Variants in ABCA8 observed in about 807,000 individuals in gnomAD.
The protein encoded by ABCA8 is ATP binding cassette subfamily A member 8, also known as ABC-type organic anion transporter ABCA8.
In ABCA8, 177 loss-of-function variants were observed where a neutral mutation model predicts 192.3. The ratio of observed to expected loss-of-function variants is 0.92; its 90% CI spans 0.81 to 1.04. The LOEUF (loss-of-function observed/expected upper bound fraction) is 1.04, where lower values mean the gene tolerates loss of function less well. ABCA8 is among the 50% of genes least tolerant of loss of function. The probability of loss-of-function intolerance (pLI) is 0.00; values close to 1 mark genes in which losing one functional copy is unlikely to be tolerated. For missense variants in ABCA8, 1,915 were observed against 1,904.8 expected (o/e 1.01, Z -0.10); for synonymous variants, 642 against 690.2 (o/e 0.93, Z 1.09).
At position 68,877,046 on chromosome 17, in the gene ABCA8, G is replaced by A. The variant is rs146728222; in HGVS notation, c.4200-343C>T. On this transcript the variant is annotated intron_variant, in intron 33 of 39. Transcript: ENST00000586539. ...TGAGACAAGGTCTGACTCTATCCCC[G>A]AGGCTGGAGTGCAGTGGTGTAATCT... Among the ~76,000 whole-genome samples the A allele has an allele frequency of 7.5e-4, 114 of 151,636 alleles. 1 individual carries two copies. The East Asian group carries it at 0.01, about 14-fold the overall frequency.
chr17:68,948,304 T>G (rs1042949593), intron 2 of ABCA8, among the ~76,000 whole-genome samples: 1 of 152,216 alleles, frequency 6.6e-6, no homozygotes, highest in Admixed American at 6.5e-5. Flanking sequence ...TGATCCTAGA[T>G]CCTGAGGAAT....
intron 24 of ABCA8, among the ~76,000 whole-genome samples, chr17:68,889,488 G>C (rs2066573786): frequency 6.6e-6 from 1 of 152,122 alleles, no homozygotes; most frequent in Non-Finnish European, 1.5e-5. Flanking sequence ...ATCTTTTCAA[G>C]TTCTCGCATT....
intron 24 of ABCA8, among the ~76,000 whole-genome samples, chr17:68,888,021 G>T (rs2066534478): frequency 7.6e-6 from 1 of 131,666 alleles, no homozygotes; most frequent in South Asian, 2.4e-4. Flanking sequence ...TATATATATG[G>T]AGTGTGTATA....
In ABCA8 at chr17:68,889,074, A is replaced by G. The variant is rs148993179; in HGVS notation, c.3145-1568T>C. ...TTTGGATTATGTTAACACCAGAAAG[A>G]CTTATAGTTACATCAAACTAGTAAA... On this transcript the variant is annotated intron_variant, in intron 24 of 39. Coordinates refer to ENST00000586539, the MANE Select transcript of ABCA8 (RefSeq NM_001288985.2). 9.5e-4 allele frequency among the ~76,000 whole-genome samples: 144 copies of G among 152,342 alleles called. 2 individuals are homozygous for G. In the East Asian group the frequency reaches 0.019, roughly 20 times the overall value.
chr17:68,940,819 T>C lies in ABCA8; in HGVS notation c.240A>G (p.Thr80=). 6.2e-7 allele frequency: 1 copy of C among 1,613,588 alleles called. No individual in the cohort carries two copies. The highest frequency in any genetic ancestry group is 8.5e-7 in the Non-Finnish European group (1 of 1,179,624). The change falls in exon 4 of 40, where the codon ACA becomes ACG. Residue 80 remains threonine (T), a synonymous_variant. Transcript: ENST00000586539. ...FNESRFSVVY[T]PVTNTTQQIM... ...TCTGTTGGGTCGTGTTGGTGACAGG[T>C]GTGTATACAACAGAAAATCTGGATT...
intron 2 of ABCA8, among the ~76,000 whole-genome samples, chr17:68,944,316 T>TTATATATATATATA (rs1177610587): frequency 1.7e-4 from 5 of 29,278 alleles, no homozygotes; most frequent in Admixed American, 4.4e-4. Context: ...GAACTTAAAG[T>TTATATATATATATA]TATATATATA....
chr17:68,868,393 C>T, intron 38 of ABCA8, 37 bp from the exon 39 acceptor site: 1 of 1,557,590 alleles, frequency 6.4e-7, no homozygotes, highest in Non-Finnish European at 8.8e-7. Flanking sequence ...TCATATATTT[C>T]ATATCTAGAG....
At chr17:68,882,349 AATG>A (rs1431533485) in intron 30 of ABCA8, among the ~76,000 whole-genome samples, 3 of 152,248 alleles carry the variant, frequency 2.0e-5, no homozygotes, top group African/African-American at 7.2e-5. Flanking sequence ...TCCAACAAGC[AATG>A]ATGTCTGCTG....
chr17:68,870,716 T>A (rs2066026188), intron 37 of ABCA8, among the ~76,000 whole-genome samples: 1 of 152,212 alleles, frequency 6.6e-6, no homozygotes, highest in Admixed American at 6.5e-5. Context: ...TACATGTACC[T>A]AACACATTTA....
Position 68,885,316 on chromosome 17 carries a change from C to G in ABCA8, c.3430-1G>C, listed in dbSNP as rs752905011. ...ATCCAGCCACAGAGAATACAGTGACCTAAAAGAAGCAAATATGAAGGTTAA... is the reference window on the plus strand; with the variant it reads ...ATCCAGCCACAGAGAATACAGTGACGTAAAAGAAGCAAATATGAAGGTTAA... On this transcript the variant is annotated splice_acceptor_variant, in intron 26 of 39. Transcript: ENST00000586539. LOFTEE classifies it high-confidence loss of function. The G allele has an allele frequency of 3.1e-6, 5 of 1,604,930 alleles. No individual in the cohort carries two copies. Among genetic ancestry groups the G allele is most frequent in the Non-Finnish European group, 4.2e-6 (5 of 1,176,812 alleles).
intron 2 of ABCA8, among the ~76,000 whole-genome samples, chr17:68,944,359 T>TATATATATACATAC (rs765731645): frequency 2.0e-4 from 14 of 69,466 alleles, no homozygotes; most frequent in African/African-American, 7.6e-4. Context: ...TATATATATA[T>TATATATATACATAC]ACACATATAC....
chr17:68,931,946 C>G (rs188966030), intron 7 of ABCA8: 1 of 190,266 alleles, frequency 5.3e-6, no homozygotes, highest in Non-Finnish European at 1.1e-5. Context: ...CGTGGTGGCT[C>G]GCGCCTGTAA....
At chr17:68,897,233 A>G (rs545375936) in intron 21 of ABCA8, among the ~76,000 whole-genome samples, 6 of 152,188 alleles carry the variant, frequency 3.9e-5, no homozygotes, top group Non-Finnish European at 7.3e-5. Flanking sequence ...TCAGGAAAAG[A>G]GACAAAGAAA....
chr17:68,907,915 C>G (rs1567850421), intron 17 of ABCA8, 36 bp from the exon 18 acceptor site: 1 of 1,528,252 alleles, frequency 6.5e-7, no homozygotes, highest in South Asian at 1.3e-5. Flanking sequence ...ACATATGTTA[C>G]TCGACATAGT....
At chr17:68,909,198 T>C (rs2067172764) in intron 17 of ABCA8, among the ~76,000 whole-genome samples, 1 of 152,176 alleles carries the variant, frequency 6.6e-6, no homozygotes, top group Non-Finnish European at 1.5e-5. Flanking sequence ...CTTGAGGAAC[T>C]TGAAGCTTGA....
chr17:68,938,844 A>C (rs1180794312), intron 4 of ABCA8, among the ~76,000 whole-genome samples: 1 of 152,176 alleles, frequency 6.6e-6, no homozygotes, highest in East Asian at 1.9e-4. Context: ...ATCTTCTTTT[A>C]GTATTAGCGT....
chr17:68,939,414 A>G (rs2068163350), intron 4 of ABCA8, among the ~76,000 whole-genome samples: 1 of 152,066 alleles, frequency 6.6e-6, no homozygotes. Context: ...CAATGAAAAT[A>G]CCGCATATCC....
chr17:68,946,626 T>C (rs2068416834), intron 2 of ABCA8, among the ~76,000 whole-genome samples: 1 of 152,124 alleles, frequency 6.6e-6, no homozygotes, highest in Non-Finnish European at 1.5e-5. Flanking sequence ...ACTGATATAT[T>C]AGTTTAATGA....
At position 68,929,212 on chromosome 17, in the gene ABCA8, CT is replaced by C. The variant is rs1333300570; in HGVS notation, c.961del (p.Ser321AlafsTer4). On this transcript the variant is annotated frameshift_variant, in exon 9 of 40. Transcript: ENST00000586539. LOFTEE classifies it high-confidence loss of function. ...GAGGAAAGATTTCTTTACCAAGATG[CT>C]CATTAAGAAAGCCAAAGCTACCTAA... ...LSLVALAFLM[S>X]ILVKKSFLTG... 2 of 1,599,768 alleles carry C rather than the reference CT, an allele frequency of 1.3e-6. No individual in the cohort carries two copies. Among genetic ancestry groups the C allele is most frequent in the South Asian group, 2.3e-5 (2 of 87,132 alleles).
Sources: allele counts gnomAD v4.1 joint callset (sites outside exome capture counted in the v4.1 genomes callset), GRCh38; gene constraint gnomAD v4.1.1; transcripts MANE v1.5; gene names NCBI Gene and HGNC (gene_info 2026-07-23, HGNC 2026-07-21).